The following WWOX variants were observed in gnomAD, a reference collection of about 807,000 sequenced individuals.
WWOX encodes WW domain-containing oxidoreductase.
WWOX carries 69 observed loss-of-function variants against 46.2 expected under a neutral mutation model. That is an observed-to-expected ratio of 1.49 (90% CI 1.23 to 1.82). WWOX has a LOEUF of 1.82. Ranked by LOEUF, WWOX falls within the 40% of genes most tolerant of loss-of-function variation. The pLI is 0.00. For missense variants in WWOX, 919 were observed against 542.6 expected, an observed-to-expected ratio of 1.69 and a Z score of -6.89; for synonymous variants, 359 against 202.6, an observed-to-expected ratio of 1.77 and a Z score of -6.56.
chr16:78,717,857 G>A (rs922271245), intron 8 of WWOX, among the ~76,000 whole-genome samples: 5 of 152,142 alleles, frequency 3.3e-5, no homozygotes, highest in Admixed American at 6.6e-5. Flanking sequence ...TTTCCCACCT[G>A]TTTGGTGATG....
chr16:78,683,041 T>TG (rs1474140943), intron 8 of WWOX, among the ~76,000 whole-genome samples: 1 of 152,156 alleles, frequency 6.6e-6, no homozygotes, highest in African/African-American at 2.4e-5. Context: ...ATACCTTTGG[T>TG]GGGGTAGGAA....
At chr16:78,778,839 C>T (rs551551319) in intron 8 of WWOX, among the ~76,000 whole-genome samples, 3 of 152,264 alleles carry the variant, frequency 2.0e-5, no homozygotes, top group South Asian at 2.1e-4. Context: ...CGTAAAGCCC[C>T]GGCGTCTCCT....
At chr16:78,464,214 G>A (rs2084020104) in intron 8 of WWOX, among the ~76,000 whole-genome samples, 1 of 152,022 alleles carries the variant, frequency 6.6e-6, no homozygotes, top group African/African-American at 2.4e-5. Flanking sequence ...AAGCAGAATG[G>A]AAGGGAAGGA....
intron 8 of WWOX, among the ~76,000 whole-genome samples, chr16:79,021,436 G>C (rs990074107): frequency 1.3e-5 from 2 of 152,078 alleles, no homozygotes; most frequent in African/African-American, 4.8e-5. Context: ...AAACGCACGG[G>C]ATCACAGAGG....
At chr16:79,170,515 C>T (rs1486527392) in intron 8 of WWOX, among the ~76,000 whole-genome samples, 1 of 152,122 alleles carries the variant, frequency 6.6e-6, no homozygotes, top group Admixed American at 6.5e-5. Flanking sequence ...GTTTCATACC[C>T]TAAATTATGC....
intron 8 of WWOX, among the ~76,000 whole-genome samples, chr16:78,566,796 C>G (rs2151566687): frequency 6.6e-6 from 1 of 152,254 alleles, no homozygotes; most frequent in East Asian, 1.9e-4. Flanking sequence ...GATAGAGTAC[C>G]AAGAACATGC....
intron 8 of WWOX, among the ~76,000 whole-genome samples, chr16:79,035,036 C>G (rs1021863041): frequency 1.3e-5 from 2 of 152,134 alleles, no homozygotes; most frequent in Non-Finnish European, 2.9e-5. Flanking sequence ...TTTAACTTGT[C>G]AACATTTCCT....
At chr16:78,690,170 T>G (rs983239134) in intron 8 of WWOX, among the ~76,000 whole-genome samples, 6 of 152,114 alleles carry the variant, frequency 3.9e-5, no homozygotes, top group African/African-American at 1.4e-4. Context: ...CAGGATAACT[T>G]TTTAACAACC....
chr16:78,920,549 C>A (rs1053282253), intron 8 of WWOX, among the ~76,000 whole-genome samples: 1 of 152,130 alleles, frequency 6.6e-6, no homozygotes, highest in East Asian at 1.9e-4. Flanking sequence ...GTTATTGTTT[C>A]CAAGTTCCCT....
At chr16:79,152,673 G>GAAA (rs5818205) in intron 8 of WWOX, among the ~76,000 whole-genome samples, 2 of 125,756 alleles carry the variant, frequency 1.6e-5, no homozygotes, top group Non-Finnish European at 1.8e-5. Flanking sequence ...CCATCTCAAA[G>GAAA]AAAAAAAAAA....
intron 8 of WWOX, among the ~76,000 whole-genome samples, chr16:78,856,475 T>C (rs1225107232): frequency 6.6e-6 from 1 of 152,142 alleles, no homozygotes; most frequent in Non-Finnish European, 1.5e-5. Context: ...AAACCTCATT[T>C]CTGCTAAAAA....
At chr16:78,607,868 T>C (rs762581173) in intron 8 of WWOX, among the ~76,000 whole-genome samples, 2 of 152,116 alleles carry the variant, frequency 1.3e-5, no homozygotes, top group Non-Finnish European at 2.9e-5. Context: ...CTGCAGGGCT[T>C]AGGGTACAAG....
chr16:78,457,469 G>A (rs1191705532), intron 8 of WWOX, among the ~76,000 whole-genome samples: 2 of 152,144 alleles, frequency 1.3e-5, no homozygotes. Flanking sequence ...CAATTGGTAG[G>A]TGGAAATAGA....
intron 8 of WWOX, among the ~76,000 whole-genome samples, chr16:78,487,977 T>A (rs897230508): frequency 6.6e-5 from 10 of 152,166 alleles, no homozygotes; most frequent in African/African-American, 2.4e-4. Context: ...TCCCCAAGCT[T>A]CGAAAGAGGT....
At chr16:79,080,239 G>A (rs1037388131) in intron 8 of WWOX, among the ~76,000 whole-genome samples, 2 of 152,156 alleles carry the variant, frequency 1.3e-5, no homozygotes, top group African/African-American at 4.8e-5. Context: ...TGACACTAGC[G>A]ATAGAGACAG....
chr16:79,093,867 G>C (rs144704261), intron 8 of WWOX, among the ~76,000 whole-genome samples: 5 of 152,192 alleles, frequency 3.3e-5, no homozygotes, highest in African/African-American at 1.2e-4. Context: ...ACTCAGCCCA[G>C]AGTGGGCCTC....
chr16:78,709,993 A>T (rs2048405519), intron 8 of WWOX, among the ~76,000 whole-genome samples: 1 of 152,028 alleles, frequency 6.6e-6, no homozygotes, highest in Admixed American at 6.6e-5. Context: ...GTCCTCCCAA[A>T]GTGTTGGGAT....
chr16:78,834,924 T>C (rs2051936882), intron 8 of WWOX, among the ~76,000 whole-genome samples: 1 of 152,204 alleles, frequency 6.6e-6, no homozygotes, highest in South Asian at 2.1e-4. Context: ...TGAGCAATCA[T>C]ATTAGCAGTT....
chr16:78,642,657 G>A (rs1306408649), intron 8 of WWOX, among the ~76,000 whole-genome samples: 1 of 152,056 alleles, frequency 6.6e-6, no homozygotes, highest in Non-Finnish European at 1.5e-5. Context: ...TCCCTTTCAT[G>A]TTTCCCTTCT....
Sources: allele counts gnomAD v4.1 joint callset (sites outside exome capture counted in the v4.1 genomes callset), GRCh38; gene constraint gnomAD v4.1.1; transcripts MANE v1.5; gene names NCBI Gene and HGNC (gene_info 2026-07-23, HGNC 2026-07-21).